Variants in ZNF180 observed in about 807,000 individuals in gnomAD.
The protein encoded by ZNF180 is zinc finger protein 180.
A neutral mutation model predicts 11.8 loss-of-function variants in ZNF180; 11 were observed. The ratio of observed to expected loss-of-function variants is 0.93; its 90% CI spans 0.59 to 1.55. The LOEUF is 1.55. Among genes scored for constraint, ZNF180 ranks in the 40% most tolerant of loss-of-function variants. The pLI, the probability that ZNF180 is intolerant of heterozygous loss-of-function variation, is 0.00. For synonymous variants in ZNF180, 287 were observed against 257.7 expected (o/e 1.11, Z -1.09); for missense variants, 773 against 781.7 (o/e 0.99, Z 0.13).
intron 4 of ZNF180, among the ~76,000 whole-genome samples, chr19:44,479,066 T>C (rs1229599273): frequency 6.6e-6 from 1 of 152,158 alleles, no homozygotes; most frequent in African/African-American, 2.4e-5. Flanking sequence ...TGGCCTTTGG[T>C]CTTTAGGAAC....
rs1555739721 is a variant in ZNF180, at chr19:44,500,312, T to TC, written c.-82dup. On this transcript the variant is annotated 5_prime_UTR_variant, in exon 1 of 5. Coordinates refer to ENST00000592529, the MANE Select transcript of ZNF180 (RefSeq NM_001278509.3). ...TGGCCCGCAGCCCAGGCTGGGCCTG[T>TC]CACCGCCTCAGTGCCTAGCACGGCT... is the stretch of plus-strand genomic sequence containing the variant. The TC allele has an allele frequency of 2.5e-6, 4 of 1,589,476 alleles. No homozygotes were observed. Among genetic ancestry groups the TC allele is most frequent in the Non-Finnish European group, 3.4e-6 (4 of 1,161,498 alleles).
chr19:44,483,155 G>A (rs1970127013), intron 3 of ZNF180, among the ~76,000 whole-genome samples: 1 of 152,094 alleles, frequency 6.6e-6, no homozygotes, highest in Admixed American at 6.5e-5. Flanking sequence ...AGGCCATTAT[G>A]CTACCGAAAT....
chr19:44,488,203 C>T (rs7250776), intron 2 of ZNF180, among the ~76,000 whole-genome samples: 10 of 32,192 alleles, frequency 3.1e-4, no homozygotes, highest in South Asian at 2.6e-3. Flanking sequence ...CTCCCTCTCC[C>T]TCTCTTTCCA....
At position 44,474,601 on chromosome 19, in the gene ZNF180, C is replaced by T. The variant is rs1275544635; in HGVS notation, c.*1801G>A. ...TCAGTTAAAATTTTCATTTCAGCAT[C>T]TGTTTTTCTCATATCCCCTTTGTGC... is the stretch of plus-strand genomic sequence containing the variant. On this transcript the variant is annotated 3_prime_UTR_variant, in exon 5 of 5. Coordinates refer to ENST00000592529, the MANE Select transcript of ZNF180 (RefSeq NM_001278509.3). The T allele has an allele frequency of 2.0e-5, 3 of 152,142 alleles. No homozygotes were observed. The highest frequency in any genetic ancestry group is 4.4e-5 in the Non-Finnish European group (3 of 68,022). The allele number at this position is 152,142 out of a possible 1,614,324, so 9.4% of individuals were successfully genotyped here. A position where few individuals can be genotyped will look rare whatever the true frequency, so the allele number is the denominator to read the frequency against.
rs1407410683 is a variant in ZNF180, at chr19:44,477,180, TC to T, written c.1219del (p.Glu407ArgfsTer211). On this transcript the variant is annotated frameshift_variant, in exon 5 of 5. Coordinates refer to ENST00000592529, the MANE Select transcript of ZNF180 (RefSeq NM_001278509.3). LOFTEE classifies it low-confidence loss of function (END_TRUNC). The part of the protein sequence containing the change: ...LVVHQRTHTG[E>X]KPYECNQCGK... ...ACACTGATTGCATTCATAAGGCTTC[TC>T]CCCAGTATGAGTTCTTTGATGCACA... The T allele has an allele frequency of 1.2e-6, 2 of 1,613,396 alleles. No individual in the cohort carries two copies. The highest frequency in any genetic ancestry group is 1.7e-5 in the Admixed American group (1 of 59,996).
chr19:44,476,514 G>T lies in ZNF180; in HGVS notation c.1886C>A (p.Thr629Asn), dbSNP rs1046059445. The change falls in exon 5 of 5, where the codon ACT becomes AAT. Residue 629 changes from threonine to asparagine, a missense_variant. Transcript: ENST00000592529. ...AATACATGTAAAGGGTTTCTCTCCA[G>T]TATGAGTTCTTTGATGCACAATAAG... The part of the protein sequence containing the change: ...ARLIVHQRTH[T>N]GEKPFTCIQC... 1.4e-5 allele frequency: 22 copies of T among 1,614,124 alleles called. No individual in the cohort carries two copies. The highest frequency in any genetic ancestry group is 1.8e-5 in the Non-Finnish European group (21 of 1,179,996).
At position 44,477,964 on chromosome 19, in the gene ZNF180, A is replaced by C; in HGVS notation, c.436T>G (p.Leu146Val). The C allele has an allele frequency of 1.9e-6, 3 of 1,614,034 alleles. No individual in the cohort carries two copies. The highest frequency in any genetic ancestry group is 2.5e-6 in the Non-Finnish European group (3 of 1,179,970). Residue 146 changes from leucine to valine, a missense_variant, in exon 5 of 5, where the codon TTG (leucine) becomes GTG (valine). Physicochemically the swap from Leu to Val is conservative, Grantham distance 32 (BLOSUM62 1). Transcript: ENST00000592529. ...EKQQEKQEIL[L>V]QEVAFTQRKA... ...CTTTGAGTGAATGCCACTTCCTGCA[A>C]AAGTATCTCTTGTTTTTCCTGTTGC...
At chr19:44,491,317 T>G (rs868311890) in intron 2 of ZNF180, among the ~76,000 whole-genome samples, 4 of 152,214 alleles carry the variant, frequency 2.6e-5, no homozygotes, top group African/African-American at 9.7e-5. Flanking sequence ...AACTTACTCT[T>G]ACAAACTAAA....
rs758751130 is a variant in ZNF180 at position 44,477,175 on chromosome 19, G to C, written c.1225C>G (p.Pro409Ala). ...VHQRTHTGEK[P>A]YECNQCGKSF... ...TTTCCACACTGATTGCATTCATAAG[G>C]CTTCTCCCCAGTATGAGTTCTTTGA... Residue 409 changes from proline (P) to alanine (A), a missense_variant, in exon 5 of 5, where the codon CCT becomes GCT. Coordinates refer to ENST00000592529, the MANE Select transcript of ZNF180 (RefSeq NM_001278509.3). 7 of 1,613,192 alleles carry C rather than the reference G, an allele frequency of 4.3e-6. No individual in the cohort carries two copies. The highest frequency in any genetic ancestry group is 5.1e-6 in the Non-Finnish European group (6 of 1,179,390).
Position 44,476,707 on chromosome 19 carries a change from G to C in ZNF180, c.1693C>G (p.Leu565Val), listed in dbSNP as rs1261090946. The C allele has an allele frequency of 6.2e-7, 1 of 1,614,184 alleles. No homozygotes were observed. ...CGKSFSQSYV[L>V]VVHQRTHTGE... ...GTATGAGTTCTCTGATGTACAACAA[G>C]AACATAACTCTGGCTGAAGGATTTC... The change falls in exon 5 of 5, where the codon CTT (leucine) becomes GTT (valine). Residue 565 changes from leucine to valine, a missense_variant. Physicochemically the swap from Leu to Val is conservative, Grantham distance 32. Coordinates refer to ENST00000592529, the MANE Select transcript of ZNF180 (RefSeq NM_001278509.3).
At position 44,495,825 on chromosome 19, in the gene ZNF180, T is replaced by G. The variant is rs1330904885; in HGVS notation, c.51+1459A>C. Reference sequence around the variant, plus strand: ...GTGCAGATGCACTCCTCACCCTGCTTGGTCACTGACACCCTGCACATGGAC... The same window carrying G: ...GTGCAGATGCACTCCTCACCCTGCTGGGTCACTGACACCCTGCACATGGAC... On this transcript the variant is annotated intron_variant, in intron 2 of 4. Transcript: ENST00000592529. The surrounding 1 kb of genome is among the most constrained non-coding windows in gnomAD (Gnocchi z 4.5). Among the ~76,000 whole-genome samples the G allele has an allele frequency of 6.6e-6, 1 of 152,190 alleles. No individual in the cohort carries two copies. The highest frequency in any genetic ancestry group is 1.5e-5 in the Non-Finnish European group (1 of 68,042).
chr19:44,484,790 T>C, intron 2 of ZNF180: 1 of 255,030 alleles, frequency 3.9e-6, no homozygotes. Context: ...GGTCACAAAA[T>C]TATAAGCAAA....
chr19:44,476,781 T>C lies in ZNF180; in HGVS notation c.1619A>G (p.His540Arg), dbSNP rs1300325310. Residue 540 changes from histidine (H) to arginine (R), a missense_variant, in exon 5 of 5, where the codon CAT becomes CGT. Coordinates refer to ENST00000592529, the MANE Select transcript of ZNF180 (RefSeq NM_001278509.3). The part of the protein sequence containing the change: ...SFNRSSHLVM[H>R]QRIHTGEKPY... The stretch of plus-strand genomic sequence containing the variant: ...TTTTTCCCCAGTGTGAATTCTCTGA[T>C]GCATAACAAGGTGAGAACTGCGGTT... 3 of 1,614,046 alleles carry C rather than the reference T, an allele frequency of 1.9e-6. No individual in the cohort carries two copies. Among genetic ancestry groups the C allele is most frequent in the Non-Finnish European group, 2.5e-6 (3 of 1,180,008 alleles).
intron 1 of ZNF180, among the ~76,000 whole-genome samples, chr19:44,499,115 C>T (rs1046992208): frequency 1.3e-5 from 2 of 152,226 alleles, no homozygotes; most frequent in Non-Finnish European, 2.9e-5. Context: ...CAGGACACTA[C>T]AACAACTAAA....
chr19:44,491,612 C>T (rs1970452734), intron 2 of ZNF180, among the ~76,000 whole-genome samples: 1 of 152,136 alleles, frequency 6.6e-6, no homozygotes, highest in Non-Finnish European at 1.5e-5. Context: ...ATTTTGTTGC[C>T]TAAGCTGGAG....
intron 2 of ZNF180, among the ~76,000 whole-genome samples, chr19:44,489,852 G>GAAC: frequency 1.7e-5 from 2 of 117,368 alleles, no homozygotes; most frequent in African/African-American, 6.0e-5. Context: ...GAGATGAGAA[G>GAAC]AGAAGAACAA....
At chr19:44,491,120 G>A (rs1307204080) in intron 2 of ZNF180, among the ~76,000 whole-genome samples, 1 of 152,162 alleles carries the variant, frequency 6.6e-6, no homozygotes, top group African/African-American at 2.4e-5. Flanking sequence ...AATGTATGCT[G>A]ACTATAAACA....
intron 2 of ZNF180, chr19:44,484,647 T>C: frequency 1.7e-6 from 1 of 573,200 alleles, no homozygotes; most frequent in Non-Finnish European, 3.1e-6. Context: ...GGCCCACAGA[T>C]ACCTGGACAT....
In ZNF180 at chr19:44,477,501, C is replaced by T. The variant is rs1465158735; in HGVS notation, c.899G>A (p.Ser300Asn). ...AGAGGTTTCACTACATTTATATTGA[C>T]TCTCTTCAAAAGGAATTCTCTGTTG... is the stretch of plus-strand genomic sequence containing the variant. ...NEQQRIPFEE[S>N]QYKCSETSHS... The change falls in exon 5 of 5, where the codon AGT (serine) becomes AAT (asparagine). Residue 300 changes from serine to asparagine, a missense_variant. Physicochemically the swap from Ser to Asn is conservative, Grantham distance 46. Transcript: ENST00000592529. The T allele has an allele frequency of 1.2e-6, 2 of 1,614,012 alleles. No individual in the cohort carries two copies. The highest frequency in any genetic ancestry group is 1.7e-5 in the Admixed American group (1 of 60,012).
Sources: allele counts gnomAD v4.1 joint callset (sites outside exome capture counted in the v4.1 genomes callset), GRCh38; gene constraint gnomAD v4.1.1; non-coding constraint Gnocchi (gnomAD v3.1); transcripts MANE v1.5; gene names NCBI Gene and HGNC (gene_info 2026-07-23, HGNC 2026-07-21).